Variants in PLA2G4D observed in about 807,000 individuals in gnomAD.
PLA2G4D encodes the protein cytosolic phospholipase A2 delta.
PLA2G4D carries 80 observed loss-of-function variants against 94.4 expected under a neutral mutation model. The observed-to-expected ratio is 0.85, with a 90% confidence interval of 0.71 to 1.02. The LOEUF (loss-of-function observed/expected upper bound fraction) is 1.02, where lower values mean the gene tolerates loss of function less well. Ranked by LOEUF, PLA2G4D falls within the 50% of genes least tolerant of loss-of-function variation. PLA2G4D has a pLI of 0.00. For synonymous variants in PLA2G4D, 438 were observed against 440.9 expected, an observed-to-expected ratio of 0.99 and a Z score of 0.08; for missense variants, 1,050 against 1,034.7, an observed-to-expected ratio of 1.01 and a Z score of -0.20.
rs753012259 is a variant in PLA2G4D at position 42,068,721 on chromosome 15, C to G, written c.2451G>C (p.Gln817His). The G allele has an allele frequency of 6.2e-7, 1 of 1,604,424 alleles. No homozygotes were observed. The highest frequency in any genetic ancestry group is 1.1e-5 in the South Asian group (1 of 89,532). ...RTLEARPPRA[Q>H]T The stretch of plus-strand genomic sequence containing the variant: ...CTGCAGCCTCTGAGCAACCTCAGGT[C>G]TGTGCCCTTGGAGGCCTCGCCTCTA... The change falls in exon 20 of 20, where the codon CAG (glutamine) becomes CAC (histidine). Residue 817 changes from glutamine (Q) to histidine (H), a missense_variant. Gln to His is a conservative substitution (Grantham distance 24, BLOSUM62 0). Coordinates refer to ENST00000290472, the MANE Select transcript of PLA2G4D (RefSeq NM_178034.4).
intron 8 of PLA2G4D, 58 bp downstream of exon 8, chr15:42,083,140 C>T: frequency 6.4e-7 from 1 of 1,569,610 alleles, no homozygotes; most frequent in Non-Finnish European, 8.6e-7. Context: ...GAGGGGCCCG[C>T]TGCAGCTGGA....
chr15:42,078,905 C>T (rs1369168379), intron 13 of PLA2G4D, among the ~76,000 whole-genome samples: 2 of 152,198 alleles, frequency 1.3e-5, no homozygotes, highest in Non-Finnish European at 2.9e-5. Context: ...ACTTACTAAG[C>T]TTTCTCTCAA....
intron 13 of PLA2G4D, among the ~76,000 whole-genome samples, chr15:42,078,376 T>C (rs144620874): frequency 6.6e-6 from 1 of 152,244 alleles, no homozygotes; most frequent in African/African-American, 2.4e-5. Context: ...TTTAACTGTA[T>C]CTGTAACATT....
intron 13 of PLA2G4D, among the ~76,000 whole-genome samples, chr15:42,076,024 G>C (rs531247706): frequency 6.6e-6 from 1 of 152,258 alleles, no homozygotes; most frequent in Admixed American, 6.5e-5. Flanking sequence ...CAAGTGGACT[G>C]GTAACTTGGC....
chr15:42,086,803 GT>G (rs1890159255), intron 3 of PLA2G4D, among the ~76,000 whole-genome samples: 1 of 152,172 alleles, frequency 6.6e-6, no homozygotes, highest in African/African-American at 2.4e-5. Context: ...AGTGAGCCCA[GT>G]TCGCGCCATT....
intron 9 of PLA2G4D, 81 bp downstream of exon 9, chr15:42,082,198 C>T: frequency 8.0e-7 from 1 of 1,247,118 alleles, no homozygotes; most frequent in South Asian, 1.3e-5. Flanking sequence ...TCCCAAAGTG[C>T]TGGGATTACA....
intron 4 of PLA2G4D, among the ~76,000 whole-genome samples, chr15:42,085,997 A>G (rs1369960175): frequency 6.6e-6 from 1 of 152,274 alleles, no homozygotes; most frequent in African/African-American, 2.4e-5. Context: ...TTCCTGCCAC[A>G]GGTGGCTAAA....
chr15:42,081,009 G>C lies in PLA2G4D; in HGVS notation c.1082C>G (p.Ser361Cys). ...CCAGGATCCTCACCACGTAGAGCCA[G>C]AGATGCCACTGAAGTAGGTCACACA... ...LDCVTYFSGISGSTWTMAHLY... is the reference protein window; with the variant it reads ...LDCVTYFSGICGSTWTMAHLY... The change falls in exon 12 of 20, where the codon TCT becomes TGT. Residue 361 changes from serine to cysteine, a missense_variant. Transcript: ENST00000290472. 1 of 1,613,994 alleles carries C rather than the reference G, an allele frequency of 6.2e-7. No homozygotes were observed. The highest frequency in any genetic ancestry group is 8.5e-7 in the Non-Finnish European group (1 of 1,179,920).
intron 14 of PLA2G4D, 109 bp from the exon 15 acceptor site, chr15:42,072,020 T>G: frequency 1.5e-6 from 2 of 1,376,556 alleles, no homozygotes; most frequent in Non-Finnish European, 2.0e-6. Flanking sequence ...AGCCCTGCTG[T>G]GCCTGGCACC....
intron 1 of PLA2G4D, among the ~76,000 whole-genome samples, chr15:42,091,662 G>T (rs940651972): frequency 2.6e-5 from 4 of 152,152 alleles, no homozygotes; most frequent in South Asian, 2.1e-4. Flanking sequence ...CTCGCCCGCA[G>T]TTACCTGGAG....
chr15:42,079,493 C>A (rs541337149), intron 13 of PLA2G4D, 44 bp downstream of exon 13: 3 of 1,535,984 alleles, frequency 2.0e-6, no homozygotes, highest in African/African-American at 2.8e-5. Flanking sequence ...CCTTCGCCCC[C>A]GCGGTGCACA....
At chr15:42,080,955 G>A in intron 12 of PLA2G4D, 42 bp downstream of exon 12, 1 of 1,601,970 alleles carries the variant, frequency 6.2e-7, no homozygotes, top group South Asian at 1.1e-5. Context: ...CCCCGCTATG[G>A]CCCCTGATTG....
At position 42,082,012 on chromosome 15, in the gene PLA2G4D, A is replaced by G. The variant is rs527592904; in HGVS notation, c.784-178T>C. On this transcript the variant is annotated intron_variant, in intron 9 of 19. Coordinates refer to ENST00000290472, the MANE Select transcript of PLA2G4D (RefSeq NM_178034.4). Reference sequence around the variant, plus strand: ...AATGGTGCGATCTTGGCTCAATGCAACCTCCGCCTCCTGGGTTCAGGTGAT... The same window carrying G: ...AATGGTGCGATCTTGGCTCAATGCAGCCTCCGCCTCCTGGGTTCAGGTGAT... Among the ~76,000 whole-genome samples, 271 of 146,480 alleles carry G rather than the reference A, an allele frequency of 1.9e-3. 1 individual carries two copies. Among genetic ancestry groups the G allele is most frequent in the Non-Finnish European group, 3.4e-3 (227 of 67,018 alleles).
chr15:42,089,115 G>C (rs1441913409), intron 1 of PLA2G4D, among the ~76,000 whole-genome samples: 1 of 152,232 alleles, frequency 6.6e-6, no homozygotes, highest in Non-Finnish European at 1.5e-5. Flanking sequence ...GGAGCCAAAA[G>C]CCAGTGCAGT....
intron 13 of PLA2G4D, 148 bp downstream of exon 13, chr15:42,079,385 CAGAA>C (rs1889988103): frequency 2.7e-6 from 2 of 745,014 alleles, no homozygotes; most frequent in Non-Finnish European, 4.1e-6. Flanking sequence ...TCTGCTAACT[CAGAA>C]AGGCAGCATT....
Position 42,093,286 on chromosome 15 carries a change from T to G in PLA2G4D, c.45+1129A>C, listed in dbSNP as rs1595601226. The stretch of plus-strand genomic sequence containing the variant: ...GGTGCTTTCCAGGTGTGGGGCCGAC[T>G]GAGGCTCCCAAATTGCTGACACTTA... On this transcript the variant is annotated intron_variant, in intron 1 of 19. Transcript: ENST00000290472. Among the ~76,000 whole-genome samples the G allele has an allele frequency of 2.0e-5, 3 of 152,342 alleles. No individual in the cohort carries two copies. In the South Asian group the frequency reaches 6.2e-4, roughly 32 times the overall value.
At chr15:42,087,235 C>T in intron 3 of PLA2G4D, 65 bp downstream of exon 3, 5 of 1,603,804 alleles carry the variant, frequency 3.1e-6, no homozygotes, top group Non-Finnish European at 8.5e-7. Flanking sequence ...TGCTCTACCC[C>T]AGGAACCCTT....
At chr15:42,071,690 C>G in intron 15 of PLA2G4D, 84 bp downstream of exon 15, 1 of 1,003,528 alleles carries the variant, frequency 1.0e-6, no homozygotes. Context: ...TCCTGAGGTT[C>G]TGCCCCACCT....
At position 42,086,212 on chromosome 15, in the gene PLA2G4D, C is replaced by CCCCCCCCGG; in HGVS notation, c.387_387+1insCCGGGGGGG (p.Gln129_Gly130insProGlyGly). ...GGGGACTTCCCCACCCACCCACCCA[C>CCCCCCCCGG]CTGGGGACTCTGGGAGAAGGTTTTC... On this transcript the variant is annotated inframe_insertion and splice_region_variant. Transcript: ENST00000290472. 1 of 1,517,692 alleles carries CCCCCCCCGG rather than the reference C, an allele frequency of 6.6e-7. No individual in the cohort carries two copies. Among genetic ancestry groups the CCCCCCCCGG allele is most frequent in the Non-Finnish European group, 8.9e-7 (1 of 1,123,114 alleles). The allele number at this position is 1,517,692 out of a possible 1,614,324, so 94.0% of individuals were successfully genotyped here.
Sources: gnomAD v4.1 joint callset for allele counts (sites outside exome capture counted in the v4.1 genomes callset) on GRCh38, gnomAD v4.1.1 for gene constraint, MANE v1.5 for transcripts, NCBI Gene and HGNC (gene_info 2026-07-23, HGNC 2026-07-21) for gene names.